Variants in DOK1 observed in about 807,000 individuals in gnomAD.
DOK1 encodes Downstream of tyrosine kinase 1.
DOK1 carries 12 observed loss-of-function variants against 24.0 expected under a neutral mutation model. The ratio of observed to expected loss-of-function variants is 0.50; its 90% CI spans 0.32 to 0.81. DOK1 has a LOEUF of 0.81. DOK1 is among the 30% of genes least tolerant of loss of function. The pLI is 0.03. For synonymous variants in DOK1, 250 were observed against 260.9 expected, an observed-to-expected ratio of 0.96 and a Z score of 0.40; for missense variants, 591 against 620.7, an observed-to-expected ratio of 0.95 and a Z score of 0.51.
upstream of DOK1, chr2:74,550,346 G>A (rs770526303): frequency 5.0e-6 from 8 of 1,612,876 alleles, no homozygotes; most frequent in Admixed American, 5.0e-5. Context: ...AGCCAGATGC[G>A]GCCTGTGGAA....
Position 74,555,532 on chromosome 2 carries a change from C to T in DOK1, c.361-43C>T. On this transcript the variant is annotated intron_variant, in intron 2 of 4. Coordinates refer to ENST00000233668, the MANE Select transcript of DOK1 (RefSeq NM_001381.5). This position sits in a 1 kb window ranked among gnomAD's most constrained non-coding sequence, Gnocchi z 6.1. ...GGCTGCCTCAGACCGACCCCCGCTC[C>T]CCGCTGAGGAAATTACGGGTTTCTC... is the stretch of plus-strand genomic sequence containing the variant. 1 of 1,613,608 alleles carries T rather than the reference C, an allele frequency of 6.2e-7. No individual in the cohort carries two copies. The highest frequency in any genetic ancestry group is 8.5e-7 in the Non-Finnish European group (1 of 1,179,874).
chr2:74,550,203 C>T (rs149683601), upstream of DOK1: 35 of 1,613,582 alleles, frequency 2.2e-5, no homozygotes, highest in Admixed American at 1.5e-4. Flanking sequence ...CATTGGAGTC[C>T]GAGAAGCCAG....
In DOK1 at chr2:74,555,604, T is replaced by C; in HGVS notation, c.390T>C (p.Asp130=). The change falls in exon 3 of 5, where the codon GAT becomes GAC. Residue 130 remains aspartate, a synonymous_variant. Coordinates refer to ENST00000233668, the MANE Select transcript of DOK1 (RefSeq NM_001381.5). This position sits in a 1 kb window ranked among gnomAD's most constrained non-coding sequence, Gnocchi z 6.1. ...GCAGCTGGACTCTGGCGCCTACCGA[T>C]AACCCACCTAAGCTTTCTGCCCTGG... ...PKGSWTLAPT[D]NPPKLSALEM... is the part of the protein sequence containing the mutation. 6.2e-7 allele frequency: 1 copy of C among 1,614,174 alleles called. No homozygotes were observed.
rs1677540381 is a variant in DOK1, at chr2:74,557,127, G to A, written c.*13G>A. On this transcript the variant is annotated 3_prime_UTR_variant, in exon 5 of 5. Coordinates refer to ENST00000233668, the MANE Select transcript of DOK1 (RefSeq NM_001381.5). ...GGGCTCTACCTGAGAAGGACGGCAA[G>A]GCTGAGGTGGCTAAGGGGGACCATG... 1.3e-6 allele frequency: 2 copies of A among 1,596,540 alleles called. No homozygotes were observed. The highest frequency in any genetic ancestry group is 1.7e-5 in the Admixed American group (1 of 58,952).
In DOK1 at chr2:74,555,033, C is replaced by T. The variant is rs1558635188; in HGVS notation, c.61-121C>T. The T allele has an allele frequency of 7.0e-7, 1 of 1,419,132 alleles. No individual in the cohort carries two copies. Among genetic ancestry groups the T allele is most frequent in the East Asian group, 2.5e-5 (1 of 40,188 alleles). The allele number at this position is 1,419,132 out of a possible 1,614,324, so 87.9% of individuals were successfully genotyped here. A position where few individuals can be genotyped will look rare whatever the true frequency, so the allele number is the denominator to read the frequency against. On this transcript the variant is annotated intron_variant, in intron 1 of 4. Coordinates refer to ENST00000233668, the MANE Select transcript of DOK1 (RefSeq NM_001381.5). This position sits in a 1 kb window ranked among gnomAD's most constrained non-coding sequence, Gnocchi z 6.1. ...TGGCATCGTCCTTGGGAAACTTCGC[C>T]CCCAACCCCGTTTGGAAGCCCCAGA...
At chr2:74,554,613 C>A, upstream of DOK1, 1 of 740,618 alleles carries the variant, frequency 1.4e-6, no homozygotes, top group Non-Finnish European at 2.2e-6. The surrounding 1 kb of genome is among the most constrained non-coding windows in gnomAD (Gnocchi z 4.9). Flanking sequence ...TCTCGCTCCT[C>A]TCCCTCACCC....
upstream of DOK1, chr2:74,552,211 G>T: frequency 2.1e-6 from 2 of 954,310 alleles, no homozygotes; most frequent in Non-Finnish European, 1.6e-6. Flanking sequence ...ACTCAATGCT[G>T]GCTGTTCTTG....
Position 74,555,139 on chromosome 2 carries a change from T to A in DOK1, c.61-15T>A, listed in dbSNP as rs182270753. On this transcript the variant is annotated splice_polypyrimidine_tract_variant and intron_variant, in intron 1 of 4. Coordinates refer to ENST00000233668, the MANE Select transcript of DOK1 (RefSeq NM_001381.5). This position sits in a 1 kb window ranked among gnomAD's most constrained non-coding sequence, Gnocchi z 6.1. ...GCACGCCACTCCCTCTCGAGCACTCTCTCTCTCTCCCTAGAGGTGGAGGAA... is the reference window on the plus strand; with the variant it reads ...GCACGCCACTCCCTCTCGAGCACTCACTCTCTCTCCCTAGAGGTGGAGGAA... The A allele has an allele frequency of 4.0e-4, 641 of 1,601,994 alleles. 1 individual carries two copies. In the African/African-American group the frequency reaches 8.0e-3, roughly 20 times the overall value.
chr2:74,555,155 G>A lies in DOK1; in HGVS notation c.62G>A (p.Arg21Lys). The stretch of plus-strand genomic sequence containing the variant: ...CGAGCACTCTCTCTCTCTCCCTAGA[G>A]GTGGAGGAAGACCTGGGCCGTGCTC... ...FLQSQRFGTK[R>K]WRKTWAVLYP... is the part of the protein sequence containing the mutation. The change falls in exon 2 of 5, where the codon AGG (arginine) becomes AAG (lysine). Residue 21 changes from arginine to lysine, a missense_variant and splice_region_variant. Transcript: ENST00000233668. The surrounding 1 kb of genome is among the most constrained non-coding windows in gnomAD (Gnocchi z 6.1). The A allele has an allele frequency of 6.2e-7, 1 of 1,610,992 alleles. No individual in the cohort carries two copies. The highest frequency in any genetic ancestry group is 8.5e-7 in the Non-Finnish European group (1 of 1,178,794).
chr2:74,556,663 G>C lies in DOK1; in HGVS notation c.995G>C (p.Arg332Pro). ...GCTCAGGCAGGAGAGGGAGTACAAC[G>C]GAAGAAACCTCTCTATTGGGACTTG... is the stretch of plus-strand genomic sequence containing the variant. ...TSAQAGEGVQ[R>P]KKPLYWDLYE... is the part of the protein sequence containing the mutation. Residue 332 changes from arginine (R) to proline (P), a missense_variant, in exon 5 of 5, where the codon CGG becomes CCG. By Grantham distance (103) the Arg-to-Pro change is moderately radical. Coordinates refer to ENST00000233668, the MANE Select transcript of DOK1 (RefSeq NM_001381.5). The surrounding 1 kb of genome is among the most constrained non-coding windows in gnomAD (Gnocchi z 4.1). 6.2e-7 allele frequency: 1 copy of C among 1,614,244 alleles called. No individual in the cohort carries two copies. Among genetic ancestry groups the C allele is most frequent in the Non-Finnish European group, 8.5e-7 (1 of 1,180,046 alleles).
chr2:74,550,243 G>A, upstream of DOK1: 1 of 1,614,186 alleles, frequency 6.2e-7, no homozygotes, highest in Non-Finnish European at 8.5e-7. Context: ...GATGACCCCA[G>A]CATCCTCATC....
chr2:74,550,858 A>G (rs937147598), upstream of DOK1, among the ~76,000 whole-genome samples: 39 of 151,598 alleles, frequency 2.6e-4, no homozygotes, highest in African/African-American at 9.4e-4. Context: ...CTTTCTTCAC[A>G]TCCTTGCATT....
At position 74,549,632 on chromosome 2, in the gene DOK1, T is replaced by A. The variant is rs775035240; in HGVS notation, c.-358+460T>A. 6.4e-7 allele frequency: 1 copy of A among 1,559,214 alleles called. No individual in the cohort carries two copies. The highest frequency in any genetic ancestry group is 8.7e-7 in the Non-Finnish European group (1 of 1,145,732). On this transcript the variant is annotated intron_variant, in intron 1 of 4. Coordinates refer to the DOK1 transcript ENST00000409429. The surrounding 1 kb of genome is among the most constrained non-coding windows in gnomAD (Gnocchi z 5.3). ...GAAAGAATCCCAGTGGCACCTTTCA[T>A]GTGTCCCGCCGCCCTTAAGGAACCC...
In DOK1 at chr2:74,554,749, G is replaced by T. The variant is rs1254490236; in HGVS notation, c.-6G>T. 6.2e-7 allele frequency: 1 copy of T among 1,612,206 alleles called. No homozygotes were observed. The highest frequency in any genetic ancestry group is 8.5e-7 in the Non-Finnish European group (1 of 1,179,166). ...CCAGGAAGCGCGGAAGGAACCGCCG[G>T]GGGCCATGGACGGAGCAGTGATGGA... On this transcript the variant is annotated 5_prime_UTR_variant, in exon 1 of 5. Coordinates refer to ENST00000233668, the MANE Select transcript of DOK1 (RefSeq NM_001381.5). This position sits in a 1 kb window ranked among gnomAD's most constrained non-coding sequence, Gnocchi z 4.9.
At position 74,549,468 on chromosome 2, in the gene DOK1, G is replaced by A. The variant is rs1236265183; in HGVS notation, c.-358+296G>A. The A allele has an allele frequency of 2.5e-6, 4 of 1,613,126 alleles. No individual in the cohort carries two copies. Among genetic ancestry groups the A allele is most frequent in the Middle Eastern group, 1.7e-4 (1 of 6,060 alleles). On this transcript the variant is annotated intron_variant, in intron 1 of 4. Transcript: ENST00000409429. This position sits in a 1 kb window ranked among gnomAD's most constrained non-coding sequence, Gnocchi z 5.3. ...GCTCCAGCCTTTGTCGCACACTTGC[G>A]ACCAGCCGTCAGGAAGCCTGACTTC... is the stretch of plus-strand genomic sequence containing the variant.
upstream of DOK1, among the ~76,000 whole-genome samples, chr2:74,550,955 C>T (rs1394929972): frequency 2.1e-5 from 3 of 140,116 alleles, no homozygotes; most frequent in African/African-American, 5.3e-5. Context: ...TTTTTTGAAA[C>T]GAAGTCTTGC....
At chr2:74,552,502 G>T, upstream of DOK1, 1 of 1,613,694 alleles carries the variant, frequency 6.2e-7, no homozygotes, top group Non-Finnish European at 8.5e-7. Context: ...CCAGCCAGCC[G>T]GAACCGAAGC....
chr2:74,556,251 G>C lies in DOK1; in HGVS notation c.640-57G>C. On this transcript the variant is annotated intron_variant, in intron 4 of 4. Transcript: ENST00000233668. This position sits in a 1 kb window ranked among gnomAD's most constrained non-coding sequence, Gnocchi z 4.1. ...TAGATACCCTAACTAGTGCAGGCGTGTGACTCACTTCCTCTGATGGCTCCT... is the reference window on the plus strand; with the variant it reads ...TAGATACCCTAACTAGTGCAGGCGTCTGACTCACTTCCTCTGATGGCTCCT... 6.3e-7 allele frequency: 1 copy of C among 1,575,616 alleles called. No individual in the cohort carries two copies. Among genetic ancestry groups the C allele is most frequent in the South Asian group, 1.2e-5 (1 of 84,972 alleles).
rs1226428508 is a variant in DOK1 at position 74,556,286 on chromosome 2, T to A, written c.640-22T>A. Reference sequence around the variant, plus strand: ...TCCTCTGATGGCTCCTGGTAATGTGTTTCCCCCTCTACCCTCCTTAGGTCA... The same window carrying A: ...TCCTCTGATGGCTCCTGGTAATGTGATTCCCCCTCTACCCTCCTTAGGTCA... On this transcript the variant is annotated intron_variant, in intron 4 of 4. Coordinates refer to ENST00000233668, the MANE Select transcript of DOK1 (RefSeq NM_001381.5). The surrounding 1 kb of genome is among the most constrained non-coding windows in gnomAD (Gnocchi z 4.1). 6.2e-7 allele frequency: 1 copy of A among 1,600,808 alleles called. No individual in the cohort carries two copies. Among genetic ancestry groups the A allele is most frequent in the South Asian group, 1.1e-5 (1 of 89,980 alleles).
Sources: gnomAD v4.1 joint callset for allele counts (sites outside exome capture counted in the v4.1 genomes callset) on GRCh38, gnomAD v4.1.1 for gene constraint, Gnocchi (gnomAD v3.1) non-coding constraint, MANE v1.5 for transcripts, NCBI Gene and HGNC (gene_info 2026-07-23, HGNC 2026-07-21) for gene names.